RNH1: variants seen among roughly 807,000 people sequenced by gnomAD.
RNH1 encodes ribonuclease/angiogenin inhibitor 1, also known as ribonuclease inhibitor.
A neutral mutation model predicts 46.1 loss-of-function variants in RNH1; 38 were observed. The ratio of observed to expected loss-of-function variants is 0.82; its 90% CI spans 0.64 to 1.08. RNH1 has a LOEUF of 1.08. Ranked by LOEUF, RNH1 falls within the 50% of genes least tolerant of loss-of-function variation. RNH1 has a pLI of 0.00. For missense variants in RNH1, 577 were observed against 590.7 expected (o/e 0.98, Z 0.24); for synonymous variants, 319 against 279.1 (o/e 1.14, Z -1.43).
Position 498,526 on chromosome 11 carries a change from A to T in RNH1, c.887T>A (p.Leu296Gln). The T allele has an allele frequency of 1.2e-6, 2 of 1,613,288 alleles. No individual in the cohort carries two copies. Among genetic ancestry groups the T allele is most frequent in the Non-Finnish European group, 1.7e-6 (2 of 1,180,008 alleles). Reference sequence around the variant, plus strand: ...CAGCAGTCGGGCACCCTCATCCCCCAGCTCGTTGCCGGCCAGGCTGAGCTC... The same window carrying T: ...CAGCAGTCGGGCACCCTCATCCCCCTGCTCGTTGCCGGCCAGGCTGAGCTC... ...LKELSLAGNELGDEGARLLCE... is the reference protein window; with the variant it reads ...LKELSLAGNEQGDEGARLLCE... The change falls in exon 8 of 11, where the codon CTG becomes CAG. Residue 296 changes from leucine to glutamine, a missense_variant. Transcript: ENST00000354420.
At chr11:497,098 G>A (rs549169247) in intron 9 of RNH1, among the ~76,000 whole-genome samples, 61 of 149,240 alleles carry the variant, frequency 4.1e-4, no homozygotes, top group Non-Finnish European at 6.6e-4. Context: ...TCTCGCCCAT[G>A]TGCCACACTC....
chr11:497,493 A>C (rs1281557914), intron 9 of RNH1, among the ~76,000 whole-genome samples: 1 of 146,998 alleles, frequency 6.8e-6, no homozygotes, highest in Non-Finnish European at 1.5e-5. Context: ...TCACACTCAC[A>C]CGGACACTCG....
chr11:498,675 C>T, intron 7 of RNH1, 48 bp from the exon 8 acceptor site: 1 of 1,605,100 alleles, frequency 6.2e-7, no homozygotes, highest in Non-Finnish European at 8.5e-7. Flanking sequence ...CGTCTCATGG[C>T]CTGAGATGAG....
chr11:498,102 G>A lies in RNH1; in HGVS notation c.996C>T (p.His332=), dbSNP rs375372486. 18 of 1,613,962 alleles carry A rather than the reference G, an allele frequency of 1.1e-5. No individual in the cohort carries two copies. Among genetic ancestry groups the A allele is most frequent in the Non-Finnish European group, 1.7e-6 (2 of 1,180,040 alleles). The change falls in exon 9 of 11, where the codon CAC becomes CAT. Residue 332 remains histidine (H), a synonymous_variant. Transcript: ENST00000354420. ...SCSFTAACCS[H]FSSVLAQNRF... ...TGTTCTGGGCCAGCACTGAGCTGAAGTGGGAGCAGCAGGCGGCTGTGAAGC... is the reference window on the plus strand; with the variant it reads ...TGTTCTGGGCCAGCACTGAGCTGAAATGGGAGCAGCAGGCGGCTGTGAAGC...
In RNH1 at chr11:498,155, C is replaced by G; in HGVS notation, c.957-14G>C. Reference sequence around the variant, plus strand: ...CAGGACTTCACCCTGTGGACACAGACAGGACTGACGCCTGGCAGGGGCCCA... The same window carrying G: ...CAGGACTTCACCCTGTGGACACAGAGAGGACTGACGCCTGGCAGGGGCCCA... On this transcript the variant is annotated splice_polypyrimidine_tract_variant and intron_variant, in intron 8 of 10. Coordinates refer to ENST00000354420, the MANE Select transcript of RNH1 (RefSeq NM_203387.3). 1.9e-6 allele frequency: 3 copies of G among 1,608,702 alleles called. No individual in the cohort carries two copies. The highest frequency in any genetic ancestry group is 2.5e-6 in the Non-Finnish European group (3 of 1,177,276).
intron 10 of RNH1, 30 bp from the exon 11 acceptor site, chr11:494,808 C>A: frequency 6.2e-7 from 1 of 1,612,612 alleles, no homozygotes; most frequent in South Asian, 1.1e-5. Flanking sequence ...GAGGCATGGG[C>A]CCGTGTCCTC....
Position 494,718 on chromosome 11 carries a change from G to A in RNH1, c.1359C>T (p.Asp453=), listed in dbSNP as rs761707766. 1.2e-6 allele frequency: 2 copies of A among 1,613,862 alleles called. No individual in the cohort carries two copies. The highest frequency in any genetic ancestry group is 1.7e-5 in the Admixed American group (1 of 60,002). Reference sequence around the variant, plus strand: ...AGGAGATGACCCTCAGGGATGGCTTGTCCTTCTCCAGGGCCTGCAGCCGGT... The same window carrying A: ...AGGAGATGACCCTCAGGGATGGCTTATCCTTCTCCAGGGCCTGCAGCCGGT... The part of the protein sequence containing the change: ...MEDRLQALEK[D]KPSLRVIS Residue 453 remains aspartate (D), a synonymous_variant, in exon 11 of 11, where the codon GAC becomes GAT. Transcript: ENST00000354420.
intron 2 of RNH1, chr11:504,513 C>G (rs1850076833): frequency 6.6e-6 from 1 of 151,952 alleles, no homozygotes; most frequent in Non-Finnish European, 1.5e-5. Flanking sequence ...CAGGCCGGGG[C>G]TGGCGGGGAG....
At chr11:497,602 CTG>C (rs1849266868) in intron 9 of RNH1, among the ~76,000 whole-genome samples, 1 of 148,918 alleles carries the variant, frequency 6.7e-6, no homozygotes, top group South Asian at 2.1e-4. Context: ...TGCTCACACA[CTG>C]ACCCTCGTGC....
At chr11:497,836 C>G in intron 9 of RNH1, 135 bp downstream of exon 9, 1 of 1,078,946 alleles carries the variant, frequency 9.3e-7, no homozygotes, top group Non-Finnish European at 1.3e-6. Context: ...CGTGCTCACA[C>G]TCGCCTCACC....
At position 502,208 on chromosome 11, in the gene RNH1, C is replaced by T. The variant is rs775588624; in HGVS notation, c.-46G>A. 127 of 1,468,280 alleles carry T rather than the reference C, an allele frequency of 8.6e-5. No homozygotes were observed. Among genetic ancestry groups the T allele is most frequent in the Non-Finnish European group, 1.1e-4 (115 of 1,064,476 alleles). The allele number at this position is 1,468,280 out of a possible 1,614,324, so 91.0% of individuals were successfully genotyped here. On this transcript the variant is annotated 5_prime_UTR_variant, in exon 3 of 11. Coordinates refer to ENST00000354420, the MANE Select transcript of RNH1 (RefSeq NM_203387.3). This position sits in a 1 kb window ranked among gnomAD's most constrained non-coding sequence, Gnocchi z 5.8. ...TGGGTGGGAGGCAGAGGGAAGAGGA[C>T]GTCTTGGCCGAATCCCCTCACAGTT...
At chr11:496,521 T>G (rs976896534) in intron 9 of RNH1, among the ~76,000 whole-genome samples, 1 of 152,104 alleles carries the variant, frequency 6.6e-6, no homozygotes, top group Non-Finnish European at 1.5e-5. Context: ...TACAAAAAAT[T>G]AGCCTGGTGT....
chr11:503,743 C>T (rs545061392), intron 2 of RNH1, among the ~76,000 whole-genome samples: 2 of 152,282 alleles, frequency 1.3e-5, no homozygotes, highest in African/African-American at 4.8e-5. Context: ...TGTCCTCCTC[C>T]TGGGAAAGCT....
intron 5 of RNH1, 58 bp from the exon 6 acceptor site, chr11:499,243 AC>A: frequency 6.3e-7 from 1 of 1,579,672 alleles, no homozygotes; most frequent in Non-Finnish European, 8.6e-7. Flanking sequence ...AGGGTGTGAT[AC>A]CAGGGAGCAC....
In RNH1 at chr11:495,261, AAGC is replaced by A. The variant is rs767224391; in HGVS notation, c.1128-211_1128-209del. ...AGGAAGGCACAGACAAGCGAGGCAC[AAGC>A]AGCCTCACTCGCCTGAGATCTTCTG... is the stretch of plus-strand genomic sequence containing the variant. On this transcript the variant is annotated intron_variant, in intron 9 of 10. Coordinates refer to ENST00000354420, the MANE Select transcript of RNH1 (RefSeq NM_203387.3). Among the ~76,000 whole-genome samples, 25 of 152,310 alleles carry A rather than the reference AAGC, an allele frequency of 1.6e-4. No homozygotes were observed. In the East Asian group the frequency reaches 2.7e-3, roughly 16 times the overall value.
At chr11:497,704 C>T (rs570295771) in intron 9 of RNH1, among the ~76,000 whole-genome samples, 3 of 151,682 alleles carry the variant, frequency 2.0e-5, no homozygotes, top group African/African-American at 4.8e-5. Context: ...CACGGACACT[C>T]GTGCTCATTC....
Position 502,269 on chromosome 11 carries a change from G to A in RNH1, c.-87-20C>T. ...GAGATTCTGCAAACAGGACCCACAG[G>A]GCTGATGTTTCAGGAGGAGCCGCAG... is the stretch of plus-strand genomic sequence containing the variant. On this transcript the variant is annotated intron_variant, in intron 2 of 10. Coordinates refer to ENST00000354420, the MANE Select transcript of RNH1 (RefSeq NM_203387.3). This position sits in a 1 kb window ranked among gnomAD's most constrained non-coding sequence, Gnocchi z 5.8. 1 of 868,948 alleles carries A rather than the reference G, an allele frequency of 1.2e-6. No homozygotes were observed. Among genetic ancestry groups the A allele is most frequent in the Non-Finnish European group, 1.9e-6 (1 of 539,150 alleles). The allele number at this position is 868,948 out of a possible 1,614,324, so 53.8% of individuals were successfully genotyped here.
rs553039743 is a variant in RNH1 at position 498,921 on chromosome 11, G to A, written c.627C>T (p.Cys209=). 41 of 1,612,518 alleles carry A rather than the reference G, an allele frequency of 2.5e-5. No individual in the cohort carries two copies. The highest frequency in any genetic ancestry group is 1.2e-4 in the South Asian group (11 of 91,022). The part of the protein sequence containing the change: ...CQLEALKLES[C]GVTSDNCRDL... ...CCCGGCAGTTGTCTGATGTCACACC[G>A]CAGCTCTCCAGCCTGGGGACACGGG... The change falls in exon 7 of 11, where the codon TGC becomes TGT. Residue 209 remains cysteine (C), a synonymous_variant. Coordinates refer to ENST00000354420, the MANE Select transcript of RNH1 (RefSeq NM_203387.3).
chr11:497,779 T>A (rs1281711600), intron 9 of RNH1, among the ~76,000 whole-genome samples, 192 bp downstream of exon 9: 1 of 142,474 alleles, frequency 7.0e-6, no homozygotes, highest in Non-Finnish European at 1.5e-5. Flanking sequence ...ACGTGCTCAC[T>A]CTCACATGCT....
Sources: allele counts gnomAD v4.1 joint callset (sites outside exome capture counted in the v4.1 genomes callset), GRCh38; gene constraint gnomAD v4.1.1; non-coding constraint Gnocchi (gnomAD v3.1); transcripts MANE v1.5; gene names NCBI Gene and HGNC (gene_info 2026-07-23, HGNC 2026-07-21).